The following ATP2B1 variants were observed in gnomAD, a reference collection of about 807,000 sequenced individuals.
ATP2B1 encodes plasma membrane calcium-transporting ATPase 1.
Under a neutral mutation model 124.2 loss-of-function variants are expected in ATP2B1, and 14 were observed. The observed-to-expected ratio is 0.11, with a 90% CI of 0.07 to 0.18. The LOEUF (loss-of-function observed/expected upper bound fraction) is 0.18. Ranked by LOEUF, ATP2B1 falls within the 10% of genes least tolerant of loss-of-function variation. ATP2B1 has a pLI of 1.00. For synonymous variants in ATP2B1, 449 were observed against 492.4 expected (o/e 0.91, Z 1.17); for missense variants, 763 against 1,466.1 (o/e 0.52, Z 7.83).
chr12:89,605,693 G>C (rs1179314860), intron 15 of ATP2B1, among the ~76,000 whole-genome samples: 2 of 151,972 alleles, frequency 1.3e-5, no homozygotes, highest in Non-Finnish European at 2.9e-5. Context: ...CCAGATAAGG[G>C]AATAAACCAA....
intron 8 of ATP2B1, among the ~76,000 whole-genome samples, chr12:89,625,139 C>T (rs1175103658): frequency 5.3e-5 from 8 of 151,966 alleles, no homozygotes; most frequent in East Asian, 1.9e-4. Flanking sequence ...CATGGTGGTG[C>T]GTGCCTGTAA....
At chr12:89,635,727 T>C (rs1275816657) in intron 3 of ATP2B1, among the ~76,000 whole-genome samples, 1 of 152,234 alleles carries the variant, frequency 6.6e-6, no homozygotes, top group Non-Finnish European at 1.5e-5. Flanking sequence ...GAGAAGTTAG[T>C]ATTACGTGAA....
chr12:89,682,675 G>C lies in ATP2B1; in HGVS notation c.-222+25921C>G, dbSNP rs184942077. Among the ~76,000 whole-genome samples the C allele has an allele frequency of 7.9e-5, 12 of 152,242 alleles. No homozygotes were observed. In the East Asian group the frequency reaches 1.7e-3, roughly 22 times the overall value. On this transcript the variant is annotated intron_variant, in intron 1 of 20. Coordinates refer to ENST00000428670, the MANE Select transcript of ATP2B1 (RefSeq NM_001366521.1). ...GAACAGTCATTCAAAGATGAAATTAGATCAATTTCTTATACCACATCAGAA... is the reference window on the plus strand; with the variant it reads ...GAACAGTCATTCAAAGATGAAATTACATCAATTTCTTATACCACATCAGAA...
At chr12:89,663,838 T>A (rs1376461177) in intron 1 of ATP2B1, among the ~76,000 whole-genome samples, 1 of 152,134 alleles carries the variant, frequency 6.6e-6, no homozygotes, top group Non-Finnish European at 1.5e-5. Context: ...GTCTGACTCT[T>A]ATTCTCACTA....
chr12:89,623,585 T>A (rs1248915897), intron 9 of ATP2B1, among the ~76,000 whole-genome samples: 2 of 152,154 alleles, frequency 1.3e-5, no homozygotes, highest in Non-Finnish European at 2.9e-5. Context: ...GAGAGCAGGT[T>A]ACTCAAAGGA....
intron 12 of ATP2B1, chr12:89,612,178 G>GT (rs1163377390): frequency 6.6e-6 from 1 of 152,106 alleles, no homozygotes; most frequent in Admixed American, 6.5e-5. Context: ...TGATGGTAGA[G>GT]TTTTTTATTT....
At chr12:89,630,876 G>A (rs943978140) in intron 5 of ATP2B1, 11 of 176,510 alleles carry the variant, frequency 6.2e-5, no homozygotes, top group African/African-American at 2.4e-4. Context: ...GATCTCCTGG[G>A]CTGAAGTAAC....
Position 89,616,880 on chromosome 12 carries a change from C to T in ATP2B1, c.1989G>A (p.Glu663=), listed in dbSNP as rs1879062141. Residue 663 remains glutamate (E), a synonymous_variant, in exon 12 of 21, where the codon GAG becomes GAA. Coordinates refer to ENST00000428670, the MANE Select transcript of ATP2B1 (RefSeq NM_001366521.1). The part of the protein sequence containing the change: ...RDFPAGEPEP[E]WDNENDIVTG... ...TGACAATATCATTTTCATTATCCCA[C>T]TCTGGTTCTGGTTCTCCTGCTGGAA... is the stretch of plus-strand genomic sequence containing the variant. 6.2e-7 allele frequency: 1 copy of T among 1,614,112 alleles called. No individual in the cohort carries two copies. Among genetic ancestry groups the T allele is most frequent in the Non-Finnish European group, 8.5e-7 (1 of 1,179,968 alleles).
Position 89,623,683 on chromosome 12 carries a change from G to A in ATP2B1, c.1344+500C>T, listed in dbSNP as rs569572251. On this transcript the variant is annotated intron_variant, in intron 9 of 20. Transcript: ENST00000428670. ...GGTGAGACTGGGCCAAAGGAGAAGG[G>A]AATTGAGCACTGAGAGGTAAGCAAA... Among the ~76,000 whole-genome samples, 6 of 152,344 alleles carry A rather than the reference G, an allele frequency of 3.9e-5. No individual in the cohort carries two copies. The South Asian group carries it at 1.2e-3, about 32-fold the overall frequency.
chr12:89,591,540 G>T (rs942952181), intron 20 of ATP2B1, among the ~76,000 whole-genome samples: 5 of 152,010 alleles, frequency 3.3e-5, no homozygotes, highest in Non-Finnish European at 5.9e-5. Context: ...AAATCTCATT[G>T]TCATTGGCTA....
intron 15 of ATP2B1, among the ~76,000 whole-genome samples, chr12:89,606,596 T>TA (rs1392485346): frequency 1.5e-5 from 2 of 131,622 alleles, no homozygotes; most frequent in South Asian, 2.4e-4. Flanking sequence ...TTTTTTGAGA[T>TA]AGAGTCTCGC....
At chr12:89,660,755 TG>T (rs1886607457) in intron 1 of ATP2B1, among the ~76,000 whole-genome samples, 1 of 152,232 alleles carries the variant, frequency 6.6e-6, no homozygotes, top group South Asian at 2.1e-4. Context: ...CTATTTTTAC[TG>T]TTCTTTAAGA....
At chr12:89,653,726 C>T (rs1158672258) in intron 2 of ATP2B1, among the ~76,000 whole-genome samples, 1 of 152,204 alleles carries the variant, frequency 6.6e-6, no homozygotes, top group Non-Finnish European at 1.5e-5. Flanking sequence ...GTAAAATTTT[C>T]AGTTAACTTA....
At chr12:89,643,713 A>AAGTGTGTAC (rs1884007356) in intron 2 of ATP2B1, among the ~76,000 whole-genome samples, 1 of 152,264 alleles carries the variant, frequency 6.6e-6, no homozygotes, top group Non-Finnish European at 1.5e-5. Flanking sequence ...TAGTTAATGC[A>AAGTGTGTAC]AAGTGTGTAC....
intron 1 of ATP2B1, among the ~76,000 whole-genome samples, chr12:89,705,086 G>A (rs1297704219): frequency 6.6e-6 from 1 of 152,010 alleles, no homozygotes; most frequent in East Asian, 1.9e-4. Flanking sequence ...ACTTTCCTAT[G>A]TTTGATAATT....
intron 1 of ATP2B1, among the ~76,000 whole-genome samples, chr12:89,664,417 C>G (rs943359355): frequency 1.3e-5 from 2 of 152,166 alleles, no homozygotes; most frequent in Non-Finnish European, 2.9e-5. Flanking sequence ...TTTTGGTCTA[C>G]GGTCAAGTCA....
At chr12:89,697,624 A>T (rs1292154654) in intron 1 of ATP2B1, among the ~76,000 whole-genome samples, 2 of 152,152 alleles carry the variant, frequency 1.3e-5, no homozygotes, top group East Asian at 3.9e-4. Context: ...AGTTTTGACA[A>T]ACTTATACAT....
At chr12:89,593,913 T>C (rs1438894151) in intron 20 of ATP2B1, 1 of 151,950 alleles carries the variant, frequency 6.6e-6, no homozygotes, top group Non-Finnish European at 1.5e-5. Flanking sequence ...AAAACCTAGG[T>C]TTCTGGGCTC....
At chr12:89,613,424 G>T (rs1025402466) in intron 12 of ATP2B1, among the ~76,000 whole-genome samples, 1 of 152,160 alleles carries the variant, frequency 6.6e-6, no homozygotes, top group Non-Finnish European at 1.5e-5. Flanking sequence ...ATTGGAGGGG[G>T]ACATCACGTG....
Sources: allele counts gnomAD v4.1 joint callset (sites outside exome capture counted in the v4.1 genomes callset), GRCh38; gene constraint gnomAD v4.1.1; transcripts MANE v1.5; gene names NCBI Gene and HGNC (gene_info 2026-07-23, HGNC 2026-07-21).